SPRED2: variants seen among roughly 807,000 people sequenced by gnomAD.
SPRED2 encodes the protein sprouty-related, EVH1 domain-containing protein 2.
SPRED2 carries 47 observed loss-of-function variants against 43.0 expected under a neutral mutation model. The observed-to-expected ratio is 1.09, with a 90% CI of 0.87 to 1.40. SPRED2 has a LOEUF of 1.40. Ranked by LOEUF, SPRED2 falls within the 40% of genes most tolerant of loss-of-function variation. The pLI is 0.00. For missense variants in SPRED2, 561 were observed against 586.4 expected (o/e 0.96, Z 0.45); for synonymous variants, 225 against 225.7 (o/e 1.00, Z 0.03).
chr2:65,314,739 C>T (rs889969675), intron 5 of SPRED2, among the ~76,000 whole-genome samples: 5 of 152,168 alleles, frequency 3.3e-5, no homozygotes, highest in African/African-American at 4.8e-5. Context: ...TCCTGTTTTA[C>T]GAAACTTCAT....
At chr2:65,341,798 T>C (rs1001474672) in intron 2 of SPRED2, among the ~76,000 whole-genome samples, 1 of 151,956 alleles carries the variant, frequency 6.6e-6, no homozygotes, top group African/African-American at 2.4e-5. Context: ...TGACAAACCA[T>C]AGAAATACCA....
chr2:65,366,716 G>T, intron 1 of SPRED2: 1 of 1,520,310 alleles, frequency 6.6e-7, no homozygotes, highest in South Asian at 1.3e-5. Flanking sequence ...CTGGCTGCCT[G>T]AGAAGTGGTT....
chr2:65,412,251 A>G (rs2103766933), intron 1 of SPRED2, among the ~76,000 whole-genome samples: 1 of 152,386 alleles, frequency 6.6e-6, no homozygotes, highest in South Asian at 2.1e-4. Context: ...GATAATTTCA[A>G]AAACGCAGAT....
intron 2 of SPRED2, among the ~76,000 whole-genome samples, chr2:65,341,947 CAG>C (rs1203592331): frequency 1.3e-5 from 2 of 151,642 alleles, no homozygotes; most frequent in African/African-American, 2.4e-5. Context: ...GGGCAAGCAA[CAG>C]ATTATAAAAA....
intron 1 of SPRED2, chr2:65,377,576 G>A: frequency 2.1e-6 from 1 of 471,222 alleles, no homozygotes; most frequent in Non-Finnish European, 4.4e-6. Context: ...AATGACTGAT[G>A]AGGTGGTAGG....
intron 4 of SPRED2, among the ~76,000 whole-genome samples, chr2:65,327,871 C>A (rs542654328): frequency 8.6e-5 from 13 of 151,532 alleles, no homozygotes; most frequent in Non-Finnish European, 1.8e-4. Context: ...TTACAGGGGC[C>A]CGCCATCATG....
At chr2:65,331,934 T>C in intron 4 of SPRED2, 53 bp downstream of exon 4, 1 of 1,432,298 alleles carries the variant, frequency 7.0e-7, no homozygotes, top group Non-Finnish European at 9.7e-7. Context: ...AACAAAACCT[T>C]TCTCTGATTA....
Position 65,351,665 on chromosome 2 carries a change from C to T in SPRED2, c.27-6769G>A, listed in dbSNP as rs151333481. On this transcript the variant is annotated intron_variant, in intron 1 of 5. Coordinates refer to ENST00000356388, the MANE Select transcript of SPRED2 (RefSeq NM_181784.3). Reference sequence around the variant, plus strand: ...ATTTATAAAGGCTCTTTGATTTCATCGAATTATATGTTTAAAATATTATAT... The same window carrying T: ...ATTTATAAAGGCTCTTTGATTTCATTGAATTATATGTTTAAAATATTATAT... Among the ~76,000 whole-genome samples the T allele has an allele frequency of 5.1e-4, 77 of 152,172 alleles. No individual in the cohort carries two copies. The East Asian group carries it at 0.014, about 29-fold the overall frequency.
intron 1 of SPRED2, among the ~76,000 whole-genome samples, chr2:65,395,394 A>G (rs894287460): frequency 2.0e-5 from 3 of 152,216 alleles, no homozygotes; most frequent in African/African-American, 7.2e-5. Flanking sequence ...GGTTCTCACC[A>G]CGGCAGTACC....
At chr2:65,391,723 A>T (rs1269075898) in intron 1 of SPRED2, among the ~76,000 whole-genome samples, 2 of 152,152 alleles carry the variant, frequency 1.3e-5, no homozygotes. Flanking sequence ...ATTTTTTTTT[A>T]AAAGAAGTAT....
At chr2:65,337,725 G>C (rs1361433869) in intron 2 of SPRED2, among the ~76,000 whole-genome samples, 1 of 149,034 alleles carries the variant, frequency 6.7e-6, no homozygotes, top group African/African-American at 2.4e-5. Flanking sequence ...TAATTCATCT[G>C]TATGGATGTA....
intron 1 of SPRED2, among the ~76,000 whole-genome samples, chr2:65,419,574 T>C (rs1203131547): frequency 2.6e-5 from 3 of 113,904 alleles, no homozygotes; most frequent in African/African-American, 9.0e-5. Flanking sequence ...ACAGGGATTA[T>C]AGTTGTGTGT....
In SPRED2 at chr2:65,313,956, AGG is replaced by A; in HGVS notation, c.800_801del (p.Pro267LeufsTer103). The A allele has an allele frequency of 6.2e-7, 1 of 1,612,362 alleles. No homozygotes were observed. The highest frequency in any genetic ancestry group is 8.5e-7 in the Non-Finnish European group (1 of 1,180,004). On this transcript the variant is annotated frameshift_variant, in exon 6 of 6. Transcript: ENST00000356388. LOFTEE classifies it high-confidence loss of function. The stretch of plus-strand genomic sequence containing the variant: ...AGGCCAAAGTCTGAGGAGTCCACGT[AGG>A]GGTAGTTGTAGTCATGCTTGGGGAC... ...GEVPKHDYNY[P>X]YVDSSDFGLG...
In SPRED2 at chr2:65,311,930, G is replaced by C; in HGVS notation, c.*1571C>G. ...CCTGTGTGCAATAAAGAAGGAGTGGGGAAAGGGAGTGGGGAGCAGGCCATG... is the reference window on the plus strand; with the variant it reads ...CCTGTGTGCAATAAAGAAGGAGTGGCGAAAGGGAGTGGGGAGCAGGCCATG... On this transcript the variant is annotated 3_prime_UTR_variant, in exon 6 of 6. Transcript: ENST00000356388. 1.0e-6 allele frequency: 1 copy of C among 985,372 alleles called. No individual in the cohort carries two copies. Among genetic ancestry groups the C allele is most frequent in the East Asian group, 1.1e-4 (1 of 8,808 alleles). 61.0% of individuals were successfully genotyped at this position (985,372 alleles called of 1,614,324 possible).
chr2:65,315,140 G>A (rs1336256354), intron 5 of SPRED2, among the ~76,000 whole-genome samples: 2 of 151,970 alleles, frequency 1.3e-5, no homozygotes, highest in African/African-American at 4.9e-5. Context: ...GGGCCTCTCA[G>A]TGGAGGCAGA....
intron 1 of SPRED2, among the ~76,000 whole-genome samples, chr2:65,429,582 A>C (rs1294082927): frequency 6.6e-6 from 1 of 152,268 alleles, no homozygotes. Flanking sequence ...CCTTACTGTC[A>C]CTAACATTTA....
chr2:65,342,417 A>T (rs1674220375), intron 2 of SPRED2, among the ~76,000 whole-genome samples: 1 of 148,660 alleles, frequency 6.7e-6, no homozygotes, highest in African/African-American at 2.4e-5. Context: ...TATTTTGTAT[A>T]CGTATATTAT....
rs747878219 is a variant in SPRED2, at chr2:65,344,906, CAAG to C, written c.27-13_27-11del. The C allele has an allele frequency of 9.9e-6, 16 of 1,610,198 alleles. No homozygotes were observed. The highest frequency in any genetic ancestry group is 3.3e-5 in the Admixed American group (2 of 59,888). Reference sequence around the variant, plus strand: ...CACAATATAGCTGTCACTAAAACGACAAGAAGAAGAAGCACAGGGCATGACAAT... The same window carrying C: ...CACAATATAGCTGTCACTAAAACGACAAGAAGAAGCACAGGGCATGACAAT... On this transcript the variant is annotated splice_polypyrimidine_tract_variant and intron_variant, in intron 1 of 5. Coordinates refer to ENST00000356388, the MANE Select transcript of SPRED2 (RefSeq NM_181784.3).
At chr2:65,420,341 C>T (rs1676394759) in intron 1 of SPRED2, among the ~76,000 whole-genome samples, 1 of 152,010 alleles carries the variant, frequency 6.6e-6, no homozygotes, top group South Asian at 2.1e-4. Context: ...CACAGGCCTT[C>T]GTATTTTTAG....
Sources: gnomAD v4.1 joint callset for allele counts (sites outside exome capture counted in the v4.1 genomes callset) on GRCh38, gnomAD v4.1.1 for gene constraint, MANE v1.5 for transcripts, NCBI Gene and HGNC (gene_info 2026-07-23, HGNC 2026-07-21) for gene names.